Variants in COBL observed in about 807,000 individuals in gnomAD.
The protein encoded by COBL is protein cordon-bleu.
COBL carries 51 observed loss-of-function variants against 98.8 expected under a neutral mutation model. The ratio of observed to expected loss-of-function variants is 0.52; its 90% confidence interval spans 0.41 to 0.65. The LOEUF is 0.65. Among genes scored for constraint, COBL ranks in the 30% least tolerant of loss-of-function variants. The pLI, the probability that COBL is intolerant of heterozygous loss-of-function variation, is 0.00. For missense variants in COBL, 1,617 were observed against 1,617.5 expected (o/e 1.00, Z 0.01); for synonymous variants, 634 against 651.7 (o/e 0.97, Z 0.41).
chr7:51,312,150 C>T lies in COBL; in HGVS notation c.41+4443G>A, dbSNP rs181461245. Among the ~76,000 whole-genome samples, 6 of 151,484 alleles carry T rather than the reference C, an allele frequency of 4.0e-5. No homozygotes were observed. The East Asian group carries it at 5.8e-4, about 15-fold the overall frequency. ...CAGCCTGGCCAACATGGTGAAACCT[C>T]GTCTCTATTAAAAAAAAAAAAATAC... On this transcript the variant is annotated intron_variant, in intron 1 of 12. Coordinates refer to ENST00000265136, the MANE Select transcript of COBL (RefSeq NM_015198.5).
chr7:51,097,194 C>G (rs1795343221), intron 6 of COBL, among the ~76,000 whole-genome samples: 2 of 152,124 alleles, frequency 1.3e-5, no homozygotes, highest in Admixed American at 1.3e-4. Context: ...ATAAAAACAT[C>G]AATCAATGTA....
At chr7:51,142,466 C>T (rs989593629) in intron 5 of COBL, among the ~76,000 whole-genome samples, 3 of 148,018 alleles carry the variant, frequency 2.0e-5, no homozygotes, top group African/African-American at 7.5e-5. Context: ...TCACTGCAAC[C>T]TCTGCCTCCC....
rs779149777 is a variant in COBL, at chr7:51,028,241, C to A, written c.2855G>T (p.Gly952Val). Residue 952 changes from glycine (G) to valine (V), a missense_variant, in exon 10 of 13, where the codon GGG becomes GTG. Gly to Val is a moderately radical substitution (Grantham distance 109). Transcript: ENST00000265136. ...CTTCCTGTGTGGGCCAATGACCTCC[C>A]CCCTAGGAGGGGCTCCCACTGCCAA... ...EDLAVGAPPR[G>V]EVIGPHRKLS... is the part of the protein sequence containing the mutation. 7 of 1,613,998 alleles carry A rather than the reference C, an allele frequency of 4.3e-6. No individual in the cohort carries two copies. The highest frequency in any genetic ancestry group is 1.6e-4 in the Middle Eastern group (1 of 6,062).
intron 1 of COBL, among the ~76,000 whole-genome samples, chr7:51,311,690 G>A (rs1417254172): frequency 6.6e-6 from 1 of 152,150 alleles, no homozygotes; most frequent in Non-Finnish European, 1.5e-5. Context: ...AAGTGACAAG[G>A]TGGAAGCGAG....
At chr7:51,081,822 A>G (rs1793691940) in intron 7 of COBL, among the ~76,000 whole-genome samples, 1 of 152,152 alleles carries the variant, frequency 6.6e-6, no homozygotes, top group Admixed American at 6.5e-5. Context: ...ACCGACTCTC[A>G]TGGCCTTGGT....
intron 2 of COBL, among the ~76,000 whole-genome samples, chr7:51,196,477 C>G (rs1196994531): frequency 6.6e-6 from 1 of 151,800 alleles, no homozygotes; most frequent in African/African-American, 2.4e-5. Flanking sequence ...GTGTGGTGTC[C>G]CTGTCAGTTT....
chr7:51,188,852 A>G (rs1047284754), intron 4 of COBL, among the ~76,000 whole-genome samples: 3 of 152,292 alleles, frequency 2.0e-5, no homozygotes, highest in East Asian at 3.9e-4. Context: ...CAGGTTTTAT[A>G]TCACTTCTCC....
chr7:51,092,232 G>A (rs1404420216), intron 6 of COBL, among the ~76,000 whole-genome samples: 1 of 152,168 alleles, frequency 6.6e-6, no homozygotes, highest in African/African-American at 2.4e-5. Flanking sequence ...TGCCCCACTG[G>A]TCCGTGGAAA....
chr7:51,225,742 A>G (rs1334773507), intron 1 of COBL, among the ~76,000 whole-genome samples: 1 of 152,228 alleles, frequency 6.6e-6, no homozygotes, highest in Admixed American at 6.5e-5. Flanking sequence ...TAATTCCCAC[A>G]TCAGCTGGAA....
At chr7:51,019,446 A>T (rs1786701757) in intron 12 of COBL, among the ~76,000 whole-genome samples, 1 of 152,132 alleles carries the variant, frequency 6.6e-6, no homozygotes, top group Non-Finnish European at 1.5e-5. Context: ...AAATTATGTG[A>T]CGCTGTATTG....
intron 6 of COBL, among the ~76,000 whole-genome samples, chr7:51,122,763 G>A (rs910623187): frequency 1.3e-5 from 2 of 152,134 alleles, no homozygotes; most frequent in African/African-American, 4.8e-5. Context: ...TGGATCACCT[G>A]AGGTCAGGAG....
intron 6 of COBL, among the ~76,000 whole-genome samples, chr7:51,104,837 TTTTAAATG>T (rs1796113542): frequency 6.6e-6 from 1 of 152,138 alleles, no homozygotes; most frequent in Admixed American, 6.5e-5. Flanking sequence ...TAAGAAAACA[TTTTAAATG>T]GTCCATTTTC....
intron 5 of COBL, among the ~76,000 whole-genome samples, chr7:51,174,743 G>C (rs1468276594): frequency 1.3e-5 from 2 of 152,130 alleles, no homozygotes; most frequent in Non-Finnish European, 2.9e-5. Flanking sequence ...CTTTGTATCA[G>C]CCCACTCCTT....
At chr7:51,149,625 G>C (rs1389335140) in intron 5 of COBL, among the ~76,000 whole-genome samples, 1 of 152,000 alleles carries the variant, frequency 6.6e-6, no homozygotes, top group Non-Finnish European at 1.5e-5. Context: ...TTTTGTTTTT[G>C]AGACAGAGTC....
intron 1 of COBL, among the ~76,000 whole-genome samples, chr7:51,271,888 GC>G (rs1798795203): frequency 6.6e-6 from 1 of 152,164 alleles, no homozygotes; most frequent in South Asian, 2.1e-4. Flanking sequence ...AAAATTATGG[GC>G]ATGGTGGCGT....
chr7:51,288,790 TAC>T (rs879745228), intron 1 of COBL, among the ~76,000 whole-genome samples: 10,636 of 139,220 alleles, frequency 0.076, 567 homozygotes, highest in East Asian at 0.29. Flanking sequence ...TTTTAGAAAA[TAC>T]AAATGGGAAA....
chr7:51,043,142 A>G (rs932762686), intron 8 of COBL, among the ~76,000 whole-genome samples: 1 of 152,200 alleles, frequency 6.6e-6, no homozygotes, highest in African/African-American at 2.4e-5. Context: ...TGAGTAGAAA[A>G]ATATACTTAA....
chr7:51,079,216 G>A (rs1383044968), intron 7 of COBL, among the ~76,000 whole-genome samples: 2 of 152,190 alleles, frequency 1.3e-5, no homozygotes, highest in African/African-American at 4.8e-5. Flanking sequence ...AAGGCTGGAT[G>A]CTGAAATCCA....
Position 51,269,517 on chromosome 7 carries a change from G to A in COBL, c.41+47076C>T, listed in dbSNP as rs539230624. Among the ~76,000 whole-genome samples the A allele has an allele frequency of 5.3e-5, 8 of 152,352 alleles. No individual in the cohort carries two copies. In the East Asian group the frequency reaches 1.4e-3, roughly 26 times the overall value. ...GGTCTGGGTGGTGCATCGGCAGGAC[G>A]TGGGGGGCAGAGGTGTGCTCAGGAG... On this transcript the variant is annotated intron_variant, in intron 1 of 12. Coordinates refer to ENST00000265136, the MANE Select transcript of COBL (RefSeq NM_015198.5).
Sources: allele counts gnomAD v4.1 joint callset (sites outside exome capture counted in the v4.1 genomes callset), GRCh38; gene constraint gnomAD v4.1.1; transcripts MANE v1.5; gene names NCBI Gene and HGNC (gene_info 2026-07-23, HGNC 2026-07-21).